ZFY: variants seen among roughly 807,000 people sequenced by gnomAD.
ZFY encodes the protein zinc finger protein Y-linked, also known as zinc finger Y-chromosomal protein.
For missense variants in ZFY, 113 were observed against 170.9 expected (o/e 0.66, Z 1.89); for synonymous variants, 47 against 55.8 (o/e 0.84, Z 0.71).
At chrY:2,938,260 C>T in intron 1 of ZFY, among the ~76,000 whole-genome samples, 3 of 20,292 alleles carry the variant, frequency 1.5e-4, no homozygotes, top group Admixed American at 1.1e-3. Flanking sequence ...GTACCCGCCT[C>T]GGCCTACCAA....
intron 3 of ZFY, among the ~76,000 whole-genome samples, chrY:2,962,821 G>A (rs2051315407): frequency 3.0e-5 from 1 of 33,117 alleles, no homozygotes; most frequent in Non-Finnish European, 7.5e-5. Context: ...TTTGACCTTC[G>A]GTTTATAACC....
chrY:2,981,692 A>G lies in ZFY; in HGVS notation c.*1699A>G, dbSNP rs911458810. 2 of 33,167 alleles carry G rather than the reference A, an allele frequency of 6.0e-5. No individual in the cohort carries two copies. Among genetic ancestry groups the G allele is most frequent in the Non-Finnish European group, 1.5e-4 (2 of 13,414 alleles). The allele number at this position is 33,167 out of a possible 400,897, so 8.3% of individuals were successfully genotyped here. A position where few individuals can be genotyped will look rare whatever the true frequency, so the allele number is the denominator to read the frequency against. On this transcript the variant is annotated 3_prime_UTR_variant, in exon 8 of 8. Transcript: ENST00000155093. ...AGGAAATATAAATTTATATTTGGTG[A>G]TTGGCAGCCTCTGAAATGTTAGATT...
Position 2,975,142 on chromosome Y carries a change from A to G in ZFY, c.682A>G (p.Ile228Val). 1 of 398,501 alleles carries G rather than the reference A, an allele frequency of 2.5e-6. No individual in the cohort carries two copies. The change falls in exon 4 of 8, where the codon ATC (isoleucine) becomes GTC (valine). Residue 228 changes from isoleucine to valine, a missense_variant. By Grantham distance (29) the Ile-to-Val change is conservative. Coordinates refer to ENST00000155093, the MANE Select transcript of ZFY (RefSeq NM_003411.4). ...ACATGATGGTTCCACTGGAGTGACC[A>G]TCGATGCAGAATCAGAAATGGATCC... ...IEHDGSTGVT[I>V]DAESEMDPCK... is the part of the protein sequence containing the mutation.
intron 2 of ZFY, among the ~76,000 whole-genome samples, chrY:2,958,055 G>A: frequency 3.0e-5 from 1 of 33,483 alleles, no homozygotes; most frequent in Non-Finnish European, 7.4e-5. Context: ...AGGCTAATTC[G>A]ATCTCTCTCA....
intron 6 of ZFY, among the ~76,000 whole-genome samples, chrY:2,977,370 A>C: frequency 3.1e-5 from 1 of 32,360 alleles, no homozygotes; most frequent in Non-Finnish European, 7.6e-5. Context: ...TATAGGTGAC[A>C]CATAACTTTA....
At chrY:2,976,323 A>G in intron 5 of ZFY, among the ~76,000 whole-genome samples, 1 of 31,544 alleles carries the variant, frequency 3.2e-5, no homozygotes, top group African/African-American at 1.3e-4. Context: ...GTTGGCCAGG[A>G]TGGTCTCGAT....
At chrY:2,977,863 T>C in intron 6 of ZFY, 77 bp from the exon 7 acceptor site, 1 of 292,554 alleles carries the variant, frequency 3.4e-6, no homozygotes, top group Non-Finnish European at 4.8e-6. Context: ...TCAGGACTTC[T>C]TGTTGTTAAT....
chrY:2,973,013 T>G, intron 3 of ZFY, among the ~76,000 whole-genome samples: 1 of 32,862 alleles, frequency 3.0e-5, no homozygotes, highest in Non-Finnish European at 7.5e-5. Flanking sequence ...AATAATCATC[T>G]GTTCACCTGT....
intron 1 of ZFY, among the ~76,000 whole-genome samples, chrY:2,936,604 GAGTA>G (rs2051217352): frequency 8.9e-5 from 3 of 33,822 alleles, no homozygotes; most frequent in African/African-American, 2.3e-4. Context: ...TACTTTTTTT[GAGTA>G]AGAGATGGAA....
At chrY:2,940,476 TCAGATTGTAACCTGTTGTAA>T (rs2051238421) in intron 1 of ZFY, among the ~76,000 whole-genome samples, 1 of 33,770 alleles carries the variant, frequency 3.0e-5, no homozygotes, top group African/African-American at 1.2e-4. Flanking sequence ...ATCTGTTGTA[TCAGATTGTAACCTGTTGTAA>T]CAGATTGTAA....
At chrY:2,964,699 C>T in intron 3 of ZFY, among the ~76,000 whole-genome samples, 1 of 32,403 alleles carries the variant, frequency 3.1e-5, no homozygotes, top group Non-Finnish European at 7.5e-5. Flanking sequence ...CCAAGCTGTA[C>T]GTTAGCCTTA....
Position 2,979,074 on chromosome Y carries a change from C to G in ZFY, c.1487C>G (p.Ala496Gly), listed in dbSNP as rs1425671116. 2.5e-6 allele frequency: 1 copy of G among 398,937 alleles called. No individual in the cohort carries two copies. The highest frequency in any genetic ancestry group is 3.5e-6 in the Non-Finnish European group (1 of 283,735). The stretch of plus-strand genomic sequence containing the variant: ...GAGTGTGGGAAGCATTTTTCTCATG[C>G]AGGGGCTTTGTTTACTCACAAAATG... ...CDECGKHFSH[A>G]GALFTHKMVH... Residue 496 changes from alanine to glycine, a missense_variant, in exon 8 of 8, where the codon GCA (alanine) becomes GGA (glycine). Coordinates refer to ENST00000155093, the MANE Select transcript of ZFY (RefSeq NM_003411.4).
chrY:2,958,678 A>T (rs983173579), intron 2 of ZFY, among the ~76,000 whole-genome samples: 13 of 33,696 alleles, frequency 3.9e-4, no homozygotes, highest in Admixed American at 1.9e-3. Context: ...GGGGGAAAAA[A>T]GTATTCTCAA....
intron 1 of ZFY, among the ~76,000 whole-genome samples, chrY:2,940,240 A>T (rs2051237493): frequency 3.0e-5 from 1 of 32,952 alleles, no homozygotes; most frequent in East Asian, 7.7e-4. Context: ...TTTCTTACTA[A>T]ATTGTTTTAA....
chrY:2,955,283 CA>C (rs2051289908), intron 2 of ZFY, among the ~76,000 whole-genome samples: 7 of 27,803 alleles, frequency 2.5e-4, no homozygotes, highest in East Asian at 9.0e-4. Context: ...GTTCCCAGTC[CA>C]AAAAAAAAAA....
At chrY:2,937,776 C>G in intron 1 of ZFY, among the ~76,000 whole-genome samples, 1 of 32,228 alleles carries the variant, frequency 3.1e-5, no homozygotes, top group Admixed American at 2.9e-4. Context: ...TCGCTGTTCA[C>G]TTTATATGTG....
At chrY:2,956,210 C>T in intron 2 of ZFY, among the ~76,000 whole-genome samples, 1 of 32,498 alleles carries the variant, frequency 3.1e-5, no homozygotes. Context: ...TCTAAATCAG[C>T]GTTCCCCACC....
chrY:2,958,301 GTGGGGTGTA>G (rs2051299508), intron 2 of ZFY, among the ~76,000 whole-genome samples: 1 of 33,230 alleles, frequency 3.0e-5, no homozygotes, highest in Non-Finnish European at 7.5e-5. Flanking sequence ...GGGGCATATG[GTGGGGTGTA>G]GATTGTCTGG....
chrY:2,960,552 G>C, intron 2 of ZFY, among the ~76,000 whole-genome samples: 1 of 30,461 alleles, frequency 3.3e-5, no homozygotes, highest in African/African-American at 1.3e-4. Flanking sequence ...AAAAAAGAAA[G>C]GGTAAAAACG....
Sources: gnomAD v4.1 joint callset for allele counts (sites outside exome capture counted in the v4.1 genomes callset) on GRCh38, gnomAD v4.1.1 for gene constraint, MANE v1.5 for transcripts, NCBI Gene and HGNC (gene_info 2026-07-23, HGNC 2026-07-21) for gene names.